Variants in NXPE2 observed in about 807,000 individuals in gnomAD.
The protein encoded by NXPE2 is NXPE family member 2.
Under a neutral mutation model 34.4 loss-of-function variants are expected in NXPE2, and 34 were observed. The observed-to-expected ratio is 0.99, with a 90% CI of 0.75 to 1.31. NXPE2 has a LOEUF of 1.31. Among genes scored for constraint, NXPE2 ranks in the 40% most tolerant of loss-of-function variants. The pLI is 0.00. For missense variants in NXPE2, 649 were observed against 672.5 expected, an observed-to-expected ratio of 0.97 and a Z score of 0.39; for synonymous variants, 235 against 231.3, an observed-to-expected ratio of 1.02 and a Z score of -0.15.
chr11:114,761,050 A>G, the NXPE2 span, among the ~76,000 whole-genome samples: 1 of 152,168 alleles, frequency 6.6e-6, no homozygotes, highest in East Asian at 1.9e-4. Flanking sequence ...TGTCAAGTGC[A>G]GTTAGGGACT....
chr11:114,787,170 C>T, the NXPE2 span, among the ~76,000 whole-genome samples: 6 of 147,222 alleles, frequency 4.1e-5, no homozygotes, highest in Admixed American at 2.0e-4. Flanking sequence ...TGTCAACAGG[C>T]GCACACACAC....
chr11:114,725,452 G>T, the NXPE2 span, among the ~76,000 whole-genome samples: 6 of 151,876 alleles, frequency 4.0e-5, no homozygotes, highest in Non-Finnish European at 8.8e-5. Flanking sequence ...CTCAATAGCT[G>T]CTGACCATGA....
chr11:114,744,545 A>G, the NXPE2 span, among the ~76,000 whole-genome samples: 1 of 152,318 alleles, frequency 6.6e-6, no homozygotes, highest in Admixed American at 6.5e-5. Context: ...GTGGTGGCTT[A>G]TGCCTTTCAT....
chr11:114,813,442 T>C, the NXPE2 span, among the ~76,000 whole-genome samples: 1 of 152,200 alleles, frequency 6.6e-6, no homozygotes, highest in Non-Finnish European at 1.5e-5. Context: ...AGGCTCATAA[T>C]CTGATGGCAT....
the NXPE2 span, among the ~76,000 whole-genome samples, chr11:114,485,352 G>A: frequency 6.7e-6 from 1 of 149,366 alleles, no homozygotes; most frequent in Non-Finnish European, 1.5e-5. Flanking sequence ...GGGATTGCAG[G>A]TGCCTACCAT....
the NXPE2 span, among the ~76,000 whole-genome samples, chr11:114,617,527 C>T: frequency 2.0e-5 from 3 of 152,116 alleles, no homozygotes; most frequent in African/African-American, 7.2e-5. Context: ...TACGTGTTGC[C>T]TCGTGGCTAA....
the NXPE2 span, among the ~76,000 whole-genome samples, chr11:114,806,155 T>TAACA: frequency 6.6e-6 from 1 of 152,004 alleles, no homozygotes; most frequent in Non-Finnish European, 1.5e-5. Context: ...GAAGGAAAAC[T>TAACA]AACAAACAGA....
At chr11:114,543,696 C>T in the NXPE2 span, among the ~76,000 whole-genome samples, 2 of 151,930 alleles carry the variant, frequency 1.3e-5, no homozygotes, top group Non-Finnish European at 1.5e-5. Context: ...TCCTCTTTCA[C>T]CACTCCTATT....
At chr11:114,583,847 C>A in the NXPE2 span, 1 of 392,834 alleles carries the variant, frequency 2.5e-6, no homozygotes, top group Non-Finnish European at 4.9e-6. Flanking sequence ...TGTGTCCTTT[C>A]ATAAATATGG....
the NXPE2 span, chr11:114,580,247 G>T: frequency 6.2e-7 from 1 of 1,613,918 alleles, no homozygotes; most frequent in East Asian, 2.2e-5. Flanking sequence ...AACTACAGGA[G>T]ACAGGATTCC....
the NXPE2 span, among the ~76,000 whole-genome samples, chr11:114,474,158 A>T: frequency 3.9e-5 from 6 of 152,206 alleles, no homozygotes; most frequent in African/African-American, 1.2e-4. Flanking sequence ...GATATAGAAT[A>T]GATAGTTGAA....
the NXPE2 span, among the ~76,000 whole-genome samples, chr11:114,466,752 T>G: frequency 1.3e-5 from 2 of 152,224 alleles, no homozygotes; most frequent in African/African-American, 4.8e-5. Context: ...AATTTCCACT[T>G]ATTCTTTTTT....
the NXPE2 span, among the ~76,000 whole-genome samples, chr11:114,477,975 C>T: frequency 0.013 from 1,973 of 152,154 alleles, 48 homozygotes; most frequent in African/African-American, 0.046. Flanking sequence ...AACAGTTTCA[C>T]ATCCCTCAGT....
Position 114,698,629 on chromosome 11 carries a change from T to A in NXPE2, c.717T>A (p.Ala239=). The A allele has an allele frequency of 6.2e-7, 1 of 1,614,188 alleles. No individual in the cohort carries two copies. The highest frequency in any genetic ancestry group is 8.5e-7 in the Non-Finnish European group (1 of 1,180,032). Residue 239 remains alanine (A), a synonymous_variant, in exon 3 of 6, where the codon GCT becomes GCA. Transcript: ENST00000389586. ...TECGLTLNTN[A]ELCQYMDDRD... ...GTGGCCTGACCCTAAACACAAATGC[T>A]GAACTGTGCCAGTACATGGATGACA...
chr11:114,477,745 A>T, the NXPE2 span, among the ~76,000 whole-genome samples: 1 of 151,986 alleles, frequency 6.6e-6, no homozygotes, highest in African/African-American at 2.4e-5. Flanking sequence ...ATAAAATTCT[A>T]GAACATGAAA....
the NXPE2 span, among the ~76,000 whole-genome samples, chr11:114,799,655 G>A: frequency 1.3e-5 from 2 of 152,222 alleles, no homozygotes; most frequent in South Asian, 4.1e-4. Context: ...CCAGGCCTGT[G>A]AGGCAGAAGG....
chr11:114,694,988 T>C (rs1211067856), intron 2 of NXPE2, among the ~76,000 whole-genome samples: 1 of 152,194 alleles, frequency 6.6e-6, no homozygotes, highest in Non-Finnish European at 1.5e-5. Flanking sequence ...TTTTTTCTTC[T>C]TGTGTGCCTT....
chr11:114,764,437 A>G, the NXPE2 span, among the ~76,000 whole-genome samples: 6 of 152,102 alleles, frequency 3.9e-5, no homozygotes, highest in African/African-American at 1.4e-4. Context: ...TAAAAAAAAA[A>G]AAAAGGAAAG....
intron 2 of NXPE2, among the ~76,000 whole-genome samples, chr11:114,686,879 G>T (rs576248633): frequency 6.6e-6 from 1 of 152,154 alleles, no homozygotes; most frequent in Non-Finnish European, 1.5e-5. Context: ...GTGATGTTGA[G>T]CATTTCTTAT....
Sources: allele counts gnomAD v4.1 joint callset (sites outside exome capture counted in the v4.1 genomes callset), GRCh38; gene constraint gnomAD v4.1.1; transcripts MANE v1.5; gene names NCBI Gene and HGNC (gene_info 2026-07-23, HGNC 2026-07-21).